ADAMTS20: variants seen among roughly 807,000 people sequenced by gnomAD.
ADAMTS20 encodes A disintegrin and metalloproteinase with thrombospondin motifs 20.
In ADAMTS20, 225 loss-of-function variants were observed where a neutral mutation model predicts 260.1. The observed-to-expected ratio is 0.87, with a 90% CI of 0.78 to 0.97. ADAMTS20 has a LOEUF of 0.97. Among genes scored for constraint, ADAMTS20 ranks in the 50% least tolerant of loss-of-function variants. The pLI, the probability that ADAMTS20 is intolerant of heterozygous loss-of-function variation, is 0.00. For missense variants in ADAMTS20, 2,400 were observed against 2,337.7 expected (o/e 1.03, Z -0.55); for synonymous variants, 802 against 769.5 (o/e 1.04, Z -0.70).
chr12:43,526,757 C>G lies in ADAMTS20; in HGVS notation c.613+5279G>C, dbSNP rs181734603. 3.2e-3 allele frequency among the ~76,000 whole-genome samples: 482 copies of G among 152,118 alleles called. 2 individuals carry two copies. Among genetic ancestry groups the G allele is most frequent in the African/African-American group, 0.011 (471 of 41,512 alleles). On this transcript the variant is annotated intron_variant, in intron 3 of 38. Transcript: ENST00000389420. ...GTCTGAGAGATCACAAGTTAACAAT[C>G]TAATATACACCTCAAGGAACTAGAG...
At chr12:43,378,183 T>C (rs1940272062) in intron 31 of ADAMTS20, among the ~76,000 whole-genome samples, 2 of 152,204 alleles carry the variant, frequency 1.3e-5, no homozygotes, top group African/African-American at 4.8e-5. Context: ...ACACTCAACA[T>C]TGGACAGTAA....
intron 2 of ADAMTS20, among the ~76,000 whole-genome samples, chr12:43,541,582 A>G (rs1260742089): frequency 6.6e-6 from 1 of 152,182 alleles, no homozygotes; most frequent in African/African-American, 2.4e-5. Context: ...TTATTTGGGG[A>G]TAAGTAAAAA....
At chr12:43,528,260 C>A (rs1346890942) in intron 3 of ADAMTS20, among the ~76,000 whole-genome samples, 1 of 138,884 alleles carries the variant, frequency 7.2e-6, no homozygotes, top group Non-Finnish European at 1.5e-5. Context: ...GACCACATTG[C>A]CAAAAATTCA....
chr12:43,389,964 T>C (rs1333190256), intron 29 of ADAMTS20, among the ~76,000 whole-genome samples: 1 of 152,182 alleles, frequency 6.6e-6, no homozygotes, highest in African/African-American at 2.4e-5. Flanking sequence ...GTGGAGATAG[T>C]CCCACTTGGA....
intron 4 of ADAMTS20, among the ~76,000 whole-genome samples, chr12:43,501,465 G>A (rs1286314758): frequency 5.7e-5 from 2 of 34,900 alleles, no homozygotes; most frequent in East Asian, 8.8e-4. Context: ...GGGGATACGC[G>A]CGCGCGCGCG....
chr12:43,518,817 GAAA>G (rs34834714), intron 3 of ADAMTS20, among the ~76,000 whole-genome samples: 10 of 111,946 alleles, frequency 8.9e-5, no homozygotes, highest in Middle Eastern at 4.9e-3. Flanking sequence ...ACTGGCTCAG[GAAA>G]AAAAAAAAAA....
chr12:43,524,824 A>T (rs1441671037), intron 3 of ADAMTS20, among the ~76,000 whole-genome samples: 1 of 152,194 alleles, frequency 6.6e-6, no homozygotes, highest in Non-Finnish European at 1.5e-5. Context: ...GCAAAAAATA[A>T]TTAAGAGAAA....
intron 18 of ADAMTS20, among the ~76,000 whole-genome samples, chr12:43,436,752 G>A (rs1182593265): frequency 6.6e-6 from 1 of 152,130 alleles, no homozygotes; most frequent in East Asian, 1.9e-4. Flanking sequence ...ACTGAATGAT[G>A]TGATCCCAGC....
chr12:43,471,967 C>T (rs1291994559), intron 7 of ADAMTS20, among the ~76,000 whole-genome samples: 26 of 148,850 alleles, frequency 1.7e-4, no homozygotes, highest in African/African-American at 5.7e-4. Context: ...TCACCAGCAA[C>T]GGAACAAAGC....
intron 7 of ADAMTS20, among the ~76,000 whole-genome samples, chr12:43,479,307 T>G (rs1942407355): frequency 6.6e-6 from 1 of 152,164 alleles, no homozygotes; most frequent in South Asian, 2.1e-4. Context: ...AGTAATGTAA[T>G]TAGTAAATAA....
intron 11 of ADAMTS20, among the ~76,000 whole-genome samples, chr12:43,458,594 G>GT (rs1268521122): frequency 2.0e-5 from 3 of 152,106 alleles, no homozygotes; most frequent in Non-Finnish European, 2.9e-5. Flanking sequence ...AGCTAATTTG[G>GT]TAACTTCATA....
At chr12:43,477,081 A>T (rs1477393265) in intron 7 of ADAMTS20, among the ~76,000 whole-genome samples, 1 of 151,780 alleles carries the variant, frequency 6.6e-6, no homozygotes, top group African/African-American at 2.4e-5. Context: ...AATTACCTTA[A>T]CTATCATTAT....
chr12:43,366,835 A>T (rs1243014429), intron 37 of ADAMTS20, among the ~76,000 whole-genome samples: 1 of 151,920 alleles, frequency 6.6e-6, no homozygotes, highest in African/African-American at 2.4e-5. Flanking sequence ...TGCCTATATT[A>T]AAAAGGAAAA....
At chr12:43,420,800 C>CTTTTT (rs747496684) in intron 28 of ADAMTS20, among the ~76,000 whole-genome samples, 1,009 of 55,452 alleles carry the variant, frequency 0.018, 162 homozygotes, top group East Asian at 0.098. Context: ...CCTCCTCCTT[C>CTTTTT]TTTTTTTTTT....
At chr12:43,356,891 A>T (rs181010959) in intron 37 of ADAMTS20, among the ~76,000 whole-genome samples, 125 of 152,334 alleles carry the variant, frequency 8.2e-4, no homozygotes, top group Non-Finnish European at 1.5e-3. Context: ...CCTATTTGAC[A>T]TATTTTCCAG....
chr12:43,450,803 C>T (rs190263789), intron 14 of ADAMTS20, among the ~76,000 whole-genome samples: 1 of 152,050 alleles, frequency 6.6e-6, no homozygotes, highest in East Asian at 1.9e-4. Context: ...TGAAGAATAT[C>T]AATACATTAA....
intron 37 of ADAMTS20, among the ~76,000 whole-genome samples, chr12:43,356,815 G>C (rs1276060827): frequency 6.6e-6 from 1 of 152,114 alleles, no homozygotes; most frequent in East Asian, 1.9e-4. Flanking sequence ...ACCAACATTT[G>C]CTGCACTTTA....
At chr12:43,411,661 C>T (rs2137272811) in intron 28 of ADAMTS20, among the ~76,000 whole-genome samples, 1 of 152,326 alleles carries the variant, frequency 6.6e-6, no homozygotes, top group African/African-American at 2.4e-5. Context: ...AGTCACCACG[C>T]CTGGCTCAGC....
chr12:43,447,394 C>T (rs1032716201), intron 14 of ADAMTS20, among the ~76,000 whole-genome samples: 1 of 152,056 alleles, frequency 6.6e-6, no homozygotes, highest in Non-Finnish European at 1.5e-5. Context: ...ACAAAAATCA[C>T]ATGATTATCT....
Sources: gnomAD v4.1 joint callset for allele counts (sites outside exome capture counted in the v4.1 genomes callset) on GRCh38, gnomAD v4.1.1 for gene constraint, MANE v1.5 for transcripts, NCBI Gene and HGNC (gene_info 2026-07-23, HGNC 2026-07-21) for gene names.